CCDC178: variants seen among roughly 807,000 people sequenced by gnomAD.
CCDC178 encodes coiled-coil domain-containing protein 178.
Under a neutral mutation model 117.4 loss-of-function variants are expected in CCDC178, and 126 were observed. The ratio of observed to expected loss-of-function variants is 1.07; its 90% CI spans 0.93 to 1.24. CCDC178 has a LOEUF of 1.24. CCDC178 is among the 50% of genes most tolerant of loss of function. The probability of loss-of-function intolerance (pLI) is 0.00; values close to 1 mark genes in which losing one functional copy is unlikely to be tolerated. For synonymous variants in CCDC178, 283 were observed against 313.4 expected (o/e 0.90, Z 1.02); for missense variants, 1,030 against 986.9 (o/e 1.04, Z -0.59).
At chr18:33,094,129 G>T (rs2057507447) in intron 20 of CCDC178, among the ~76,000 whole-genome samples, 2 of 151,916 alleles carry the variant, frequency 1.3e-5, no homozygotes, top group Admixed American at 1.3e-4. Context: ...TGAAAGGCTG[G>T]TATCCATATT....
intron 21 of CCDC178, among the ~76,000 whole-genome samples, chr18:33,067,697 G>T (rs2057041267): frequency 6.6e-6 from 1 of 152,022 alleles, no homozygotes; most frequent in Non-Finnish European, 1.5e-5. Context: ...TACAAAATTA[G>T]CCCGGCGTGG....
At chr18:33,110,798 A>G (rs2057770312) in intron 20 of CCDC178, among the ~76,000 whole-genome samples, 1 of 151,506 alleles carries the variant, frequency 6.6e-6, no homozygotes. Context: ...CAATATCACA[A>G]TTTCTTATAA....
At chr18:33,361,999 C>T (rs936280519) in intron 6 of CCDC178, among the ~76,000 whole-genome samples, 6 of 151,710 alleles carry the variant, frequency 4.0e-5, no homozygotes, top group African/African-American at 1.5e-4. Flanking sequence ...GATATCTTCA[C>T]ACCCATATTC....
At position 33,351,182 on chromosome 18, in the gene CCDC178, GTA is replaced by G. The variant is rs1555690759; in HGVS notation, c.372-2209_372-2208del. ...TGTGTGTGTGTGTGTGTGTGTGTGT[GTA>G]TAGTTTTTGTTTGTTTCTTTGTTTT... is the stretch of plus-strand genomic sequence containing the variant. On this transcript the variant is annotated intron_variant, in intron 7 of 22. Coordinates refer to ENST00000383096, the MANE Select transcript of CCDC178 (RefSeq NM_001105528.4). Among the ~76,000 whole-genome samples the G allele has an allele frequency of 1.2e-3, 184 of 150,830 alleles. 2 individuals carry two copies. The highest frequency in any genetic ancestry group is 3.8e-3 in the African/African-American group (154 of 40,938).
intron 21 of CCDC178, among the ~76,000 whole-genome samples, chr18:33,090,635 A>T (rs1182905219): frequency 6.6e-6 from 1 of 152,224 alleles, no homozygotes; most frequent in Admixed American, 6.5e-5. Context: ...ATTTAACAGC[A>T]TCAATAAGGC....
intron 6 of CCDC178, among the ~76,000 whole-genome samples, chr18:33,359,207 A>T (rs188217289): frequency 3.1e-4 from 47 of 151,920 alleles, no homozygotes; most frequent in African/African-American, 1.1e-3. Flanking sequence ...AATAATTAAT[A>T]GTCTCAGCTT....
At chr18:33,188,312 C>G (rs1442852862) in intron 20 of CCDC178, among the ~76,000 whole-genome samples, 2 of 152,002 alleles carry the variant, frequency 1.3e-5, no homozygotes, top group Non-Finnish European at 2.9e-5. Flanking sequence ...TCTAAGATTT[C>G]CATCTTAGGC....
At chr18:33,059,685 C>A (rs1001845588) in intron 21 of CCDC178, among the ~76,000 whole-genome samples, 3 of 152,014 alleles carry the variant, frequency 2.0e-5, no homozygotes, top group African/African-American at 7.2e-5. Context: ...GTGTCAGTAT[C>A]AGTATAAACT....
intron 2 of CCDC178, among the ~76,000 whole-genome samples, chr18:33,416,709 C>T (rs945908168): frequency 2.0e-5 from 3 of 152,088 alleles, no homozygotes; most frequent in Non-Finnish European, 4.4e-5. Context: ...TTATTCTTCC[C>T]CACTGGGTAG....
chr18:33,119,962 A>G (rs1178325305), intron 20 of CCDC178, among the ~76,000 whole-genome samples: 4 of 151,886 alleles, frequency 2.6e-5, no homozygotes, highest in Non-Finnish European at 5.9e-5. Flanking sequence ...GCTTGTTCTC[A>G]CTTATAGGTG....
chr18:33,271,868 G>A (rs188634293), intron 12 of CCDC178, among the ~76,000 whole-genome samples: 5 of 151,570 alleles, frequency 3.3e-5, no homozygotes, highest in South Asian at 2.1e-4. Context: ...TGAGATGAAT[G>A]AGAATGAATG....
At chr18:33,153,273 G>T (rs866202037) in intron 20 of CCDC178, among the ~76,000 whole-genome samples, 1 of 151,402 alleles carries the variant, frequency 6.6e-6, no homozygotes, top group African/African-American at 2.4e-5. Flanking sequence ...TGCCTTTAGG[G>T]AGGGCCAAGG....
intron 12 of CCDC178, among the ~76,000 whole-genome samples, chr18:33,274,041 A>G (rs1361801177): frequency 3.3e-5 from 5 of 151,852 alleles, no homozygotes; most frequent in Admixed American, 1.3e-4. Flanking sequence ...TTACAACTCA[A>G]TAAAAAGTGA....
Position 33,346,254 on chromosome 18 carries a change from C to A in CCDC178, c.615G>T (p.Trp205Cys), listed in dbSNP as rs1204609382. The A allele has an allele frequency of 6.2e-7, 1 of 1,613,844 alleles. No individual in the cohort carries two copies. The highest frequency in any genetic ancestry group is 2.2e-5 in the East Asian group (1 of 44,860). Reference protein sequence around the residue: ...KNMINMKIDSWSVWKLQELPL... With the variant: ...KNMINMKIDSCSVWKLQELPL... ...GGAGTTCTTGAAGTTTCCAGACTGA[C>A]CAAGAGTCAATTTTCATGTTAATCA... The change falls in exon 9 of 23, where the codon TGG (tryptophan) becomes TGT (cysteine). Residue 205 changes from tryptophan to cysteine, a missense_variant. Physicochemically the swap from Trp to Cys is radical, Grantham distance 215. Transcript: ENST00000383096.
intron 11 of CCDC178, among the ~76,000 whole-genome samples, chr18:33,312,638 G>A (rs1217784971): frequency 1.3e-5 from 2 of 152,142 alleles, no homozygotes; most frequent in Non-Finnish European, 2.9e-5. Flanking sequence ...CCTTGCCTTT[G>A]ATCTGTTGCA....
At chr18:33,008,521 A>C (rs1373686668) in intron 21 of CCDC178, among the ~76,000 whole-genome samples, 1 of 151,746 alleles carries the variant, frequency 6.6e-6, no homozygotes, top group Non-Finnish European at 1.5e-5. Context: ...CCTCCTCTCT[A>C]CTCAATCATT....
chr18:33,191,776 T>C (rs1322236567), intron 20 of CCDC178, among the ~76,000 whole-genome samples: 8 of 151,944 alleles, frequency 5.3e-5, no homozygotes, highest in Non-Finnish European at 1.2e-4. Context: ...TAGAAGAAAA[T>C]AAAACGAGAG....
intron 11 of CCDC178, among the ~76,000 whole-genome samples, chr18:33,304,868 A>C (rs1228089553): frequency 6.6e-6 from 1 of 152,216 alleles, no homozygotes; most frequent in Non-Finnish European, 1.5e-5. Flanking sequence ...GGCAGCGCTC[A>C]AGTTCAGGGA....
At chr18:33,111,304 G>T (rs957283056) in intron 20 of CCDC178, among the ~76,000 whole-genome samples, 9 of 151,380 alleles carry the variant, frequency 5.9e-5, no homozygotes, top group Non-Finnish European at 1.3e-4. Flanking sequence ...AGTCCTTTGG[G>T]TTATCTATGT....
Sources: allele counts gnomAD v4.1 joint callset (sites outside exome capture counted in the v4.1 genomes callset), GRCh38; gene constraint gnomAD v4.1.1; transcripts MANE v1.5; gene names NCBI Gene and HGNC (gene_info 2026-07-23, HGNC 2026-07-21).